The following UBE3C variants were observed in gnomAD, a reference collection of about 807,000 sequenced individuals.
UBE3C encodes ubiquitin-protein ligase E3C.
UBE3C carries 42 observed loss-of-function variants against 129.4 expected under a neutral mutation model. The observed-to-expected ratio is 0.32, with a 90% CI of 0.25 to 0.42. UBE3C has a LOEUF of 0.42. Among genes scored for constraint, UBE3C ranks in the 10% least tolerant of loss-of-function variants. The probability of loss-of-function intolerance (pLI) is 1.00; values close to 1 mark genes in which losing one functional copy is unlikely to be tolerated. For missense variants in UBE3C, 1,049 were observed against 1,319.1 expected, an observed-to-expected ratio of 0.80 and a Z score of 3.17; for synonymous variants, 510 against 492.4, an observed-to-expected ratio of 1.04 and a Z score of -0.47.
At chr7:157,168,719 T>A (rs1808285492) in intron 2 of UBE3C, among the ~76,000 whole-genome samples, 1 of 152,242 alleles carries the variant, frequency 6.6e-6, no homozygotes. Context: ...GATTCCATTA[T>A]ATGAAGTGTC....
At chr7:157,187,679 C>T (rs945947699) in intron 10 of UBE3C, among the ~76,000 whole-genome samples, 27 of 151,946 alleles carry the variant, frequency 1.8e-4, no homozygotes, top group African/African-American at 6.3e-4. Flanking sequence ...TGGGTTCATG[C>T]CATTCTCCTG....
At position 157,248,400 on chromosome 7, in the gene UBE3C, C is replaced by A; in HGVS notation, c.2514C>A (p.Pro838=). 6.2e-7 allele frequency: 1 copy of A among 1,613,540 alleles called. No individual in the cohort carries two copies. Among genetic ancestry groups the A allele is most frequent in the Middle Eastern group, 1.8e-4 (1 of 5,536 alleles). ...ATGAGAACATGCTGGTGGAGCTGCCCTTTGCAGGCTTCTTTCTTTCCAAGT... is the reference window on the plus strand; with the variant it reads ...ATGAGAACATGCTGGTGGAGCTGCCATTTGCAGGCTTCTTTCTTTCCAAGT... The part of the protein sequence containing the change: ...ALYENMLVEL[P]FAGFFLSKLL... The change falls in exon 19 of 23, where the codon CCC becomes CCA. Residue 838 remains proline (P), a synonymous_variant. Transcript: ENST00000348165.
At position 157,269,309 on chromosome 7, in the gene UBE3C, C is replaced by CTTAT. The variant is rs770382381; in HGVS notation, c.*1565_*1568dup. The CTTAT allele has an allele frequency of 1.3e-5, 2 of 152,180 alleles. No homozygotes were observed. The highest frequency in any genetic ancestry group is 2.9e-5 in the Non-Finnish European group (2 of 68,010). The allele number at this position is 152,180 out of a possible 1,614,324, so 9.4% of individuals were successfully genotyped here. ...TGGTTTTTTTCTCAGCTATTCTGAG[C>CTTAT]TTATTTATTTATTTGTATGTTCTAA... On this transcript the variant is annotated 3_prime_UTR_variant, in exon 23 of 23. Coordinates refer to ENST00000348165, the MANE Select transcript of UBE3C (RefSeq NM_014671.3).
chr7:157,253,572 G>A (rs935787058), intron 19 of UBE3C, among the ~76,000 whole-genome samples: 3 of 152,160 alleles, frequency 2.0e-5, no homozygotes, highest in Non-Finnish European at 2.9e-5. Flanking sequence ...CAGCCTTTGC[G>A]TTTCCTCCAG....
At chr7:157,156,293 C>G (rs1807901356) in intron 1 of UBE3C, among the ~76,000 whole-genome samples, 1 of 150,370 alleles carries the variant, frequency 6.7e-6, no homozygotes, top group African/African-American at 2.5e-5. Context: ...TCCTCACACC[C>G]CCAGTTCTTT....
At chr7:157,141,637 T>A (rs1330365398) in intron 1 of UBE3C, among the ~76,000 whole-genome samples, 1 of 152,218 alleles carries the variant, frequency 6.6e-6, no homozygotes, top group Non-Finnish European at 1.5e-5. Context: ...ACGGTGTATA[T>A]GTGGTCTGTT....
chr7:157,239,105 A>G (rs944878478), intron 18 of UBE3C, among the ~76,000 whole-genome samples: 5 of 152,236 alleles, frequency 3.3e-5, no homozygotes, highest in Admixed American at 6.5e-5. Flanking sequence ...GAAAATATCC[A>G]CATCATATCA....
chr7:157,235,417 T>G (rs1796129529), intron 18 of UBE3C, among the ~76,000 whole-genome samples: 1 of 152,224 alleles, frequency 6.6e-6, no homozygotes, highest in Non-Finnish European at 1.5e-5. Context: ...GATTATATAT[T>G]ACTTTTTCTT....
intron 6 of UBE3C, 40 bp downstream of exon 6, chr7:157,178,887 T>C (rs870745): frequency 0.53 from 843,896 of 1,602,436 alleles, 228,716 homozygotes; most frequent in African/African-American, 0.9. Context: ...CTCAGCATCC[T>C]GATGGGGAGT....
At chr7:157,256,888 T>C (rs1796765548) in intron 21 of UBE3C, 26 bp from the exon 22 acceptor site, 1 of 1,613,400 alleles carries the variant, frequency 6.2e-7, no homozygotes, top group South Asian at 1.1e-5. Flanking sequence ...TTGCATTTCA[T>C]AAAGCATGTG....
chr7:157,217,063 T>A, intron 14 of UBE3C, 92 bp downstream of exon 14: 1 of 1,021,382 alleles, frequency 9.8e-7, no homozygotes, highest in Non-Finnish European at 1.4e-6. Context: ...TTTAAAATTA[T>A]TTATTTTATG....
chr7:157,267,772 A>G lies in UBE3C; in HGVS notation c.*17A>G, dbSNP rs1290146337. ...CTGAGCTGAAGCTGATGCTGGGGTCAGACCCCTACAGAGAACCAGTGCTTC... is the reference window on the plus strand; with the variant it reads ...CTGAGCTGAAGCTGATGCTGGGGTCGGACCCCTACAGAGAACCAGTGCTTC... On this transcript the variant is annotated 3_prime_UTR_variant, in exon 23 of 23. Coordinates refer to ENST00000348165, the MANE Select transcript of UBE3C (RefSeq NM_014671.3). 1 of 1,556,870 alleles carries G rather than the reference A, an allele frequency of 6.4e-7. No homozygotes were observed. The highest frequency in any genetic ancestry group is 2.0e-5 in the Admixed American group (1 of 49,094).
chr7:157,208,167 T>C (rs1386822210), intron 13 of UBE3C, among the ~76,000 whole-genome samples: 1 of 143,128 alleles, frequency 7.0e-6, no homozygotes, highest in African/African-American at 2.5e-5. Context: ...CTTGAACTCC[T>C]GGGATCAAGC....
intron 10 of UBE3C, among the ~76,000 whole-genome samples, chr7:157,201,256 G>A (rs1809271363): frequency 6.6e-6 from 1 of 152,044 alleles, no homozygotes; most frequent in South Asian, 2.1e-4. Flanking sequence ...CCCAGGAGGT[G>A]GAGGTTGCAG....
At position 157,182,315 on chromosome 7, in the gene UBE3C, C is replaced by T. The variant is rs139499938; in HGVS notation, c.978C>T (p.Gly326=). The change falls in exon 8 of 23, where the codon GGC becomes GGT. Residue 326 remains glycine, a synonymous_variant. Coordinates refer to ENST00000348165, the MANE Select transcript of UBE3C (RefSeq NM_014671.3). ...TTTTCTATTTCGTTTTAACTGTTGG[C>T]GAAAATTATTTGGGTATGAAATACA... The part of the protein sequence containing the change: ...PWLFYFVLTV[G]ENYLGALSEE... 8 of 1,612,696 alleles carry T rather than the reference C, an allele frequency of 5.0e-6. No homozygotes were observed. The highest frequency in any genetic ancestry group is 1.1e-5 in the South Asian group (1 of 90,776).
intron 13 of UBE3C, among the ~76,000 whole-genome samples, chr7:157,214,211 T>C (rs1809672674): frequency 6.6e-6 from 1 of 152,222 alleles, no homozygotes; most frequent in Non-Finnish European, 1.5e-5. Flanking sequence ...ATAGGAAATA[T>C]GAAAGAGGAT....
At chr7:157,257,888 T>G (rs1796795670) in intron 22 of UBE3C, among the ~76,000 whole-genome samples, 1 of 151,426 alleles carries the variant, frequency 6.6e-6, no homozygotes, top group Non-Finnish European at 1.5e-5. Context: ...AGATAAGTAC[T>G]GTATGTGATT....
intron 11 of UBE3C, among the ~76,000 whole-genome samples, chr7:157,204,302 A>C (rs1451912876): frequency 1.3e-5 from 2 of 151,298 alleles, no homozygotes; most frequent in Non-Finnish European, 2.9e-5. Context: ...TAGTGGGCAG[A>C]AGTATCATCA....
At chr7:157,246,269 G>A (rs544444568) in intron 18 of UBE3C, among the ~76,000 whole-genome samples, 1 of 152,276 alleles carries the variant, frequency 6.6e-6, no homozygotes. Flanking sequence ...TACGGTAACT[G>A]GTTGGAAGCT....
Sources: gnomAD v4.1 joint callset for allele counts (sites outside exome capture counted in the v4.1 genomes callset) on GRCh38, gnomAD v4.1.1 for gene constraint, MANE v1.5 for transcripts, NCBI Gene and HGNC (gene_info 2026-07-23, HGNC 2026-07-21) for gene names.